The following TIMD4 variants were observed in gnomAD, a reference collection of about 807,000 sequenced individuals.
TIMD4 encodes the protein T-cell immunoglobulin and mucin domain-containing protein 4.
In TIMD4, 31 loss-of-function variants were observed where a neutral mutation model predicts 41.2. The observed-to-expected ratio is 0.75, with a 90% CI of 0.57 to 1.01. TIMD4 has a LOEUF of 1.01. Among genes scored for constraint, TIMD4 ranks in the 50% least tolerant of loss-of-function variants. TIMD4 has a pLI of 0.00. For missense variants in TIMD4, 479 were observed against 472.5 expected, an observed-to-expected ratio of 1.01 and a Z score of -0.13; for synonymous variants, 204 against 177.1, an observed-to-expected ratio of 1.15 and a Z score of -1.21.
intron 5 of TIMD4, among the ~76,000 whole-genome samples, chr5:156,934,343 C>G (rs974915896): frequency 6.6e-6 from 1 of 152,222 alleles, no homozygotes; most frequent in African/African-American, 2.4e-5. Flanking sequence ...CTCCCAGGCT[C>G]TGGCTCACGG....
intron 2 of TIMD4, 25 bp downstream of exon 2, chr5:156,954,390 G>C: frequency 6.3e-7 from 1 of 1,596,986 alleles, no homozygotes; most frequent in Non-Finnish European, 8.5e-7. Context: ...TCCTTCCGCA[G>C]GCATGAGGCC....
intron 5 of TIMD4, among the ~76,000 whole-genome samples, chr5:156,933,095 C>T (rs1759473456): frequency 6.6e-6 from 1 of 151,990 alleles, no homozygotes; most frequent in Non-Finnish European, 1.5e-5. Context: ...TATATAGCAG[C>T]TTTGTGGTAA....
At chr5:156,961,172 A>G (rs1190596004) in intron 1 of TIMD4, among the ~76,000 whole-genome samples, 3 of 152,260 alleles carry the variant, frequency 2.0e-5, no homozygotes, top group African/African-American at 7.2e-5. Flanking sequence ...AATCCAAACC[A>G]CAATGAGGTA....
At chr5:156,961,184 C>A (rs917586259) in intron 1 of TIMD4, among the ~76,000 whole-genome samples, 3 of 152,190 alleles carry the variant, frequency 2.0e-5, no homozygotes, top group African/African-American at 7.2e-5. Flanking sequence ...AATGAGGTAT[C>A]ACTTCATTTC....
At chr5:156,949,099 C>T (rs895876408) in intron 4 of TIMD4, among the ~76,000 whole-genome samples, 2 of 152,152 alleles carry the variant, frequency 1.3e-5, no homozygotes, top group African/African-American at 2.4e-5. Flanking sequence ...CTCTAGCACC[C>T]CAATCGTGAT....
At chr5:156,926,368 A>G in intron 5 of TIMD4, 56 bp from the exon 6 acceptor site, 1 of 1,568,620 alleles carries the variant, frequency 6.4e-7, no homozygotes, top group South Asian at 1.1e-5. Context: ...ATAAAATATC[A>G]CATCCTGAAA....
chr5:156,921,825 T>C (rs1290157224), intron 7 of TIMD4, among the ~76,000 whole-genome samples: 1 of 152,102 alleles, frequency 6.6e-6, no homozygotes, highest in East Asian at 1.9e-4. Context: ...GAGTATACCA[T>C]CAGGACTGGC....
chr5:156,939,028 G>A (rs1581619882), intron 5 of TIMD4, among the ~76,000 whole-genome samples: 1 of 152,150 alleles, frequency 6.6e-6, no homozygotes, highest in Admixed American at 6.5e-5. Flanking sequence ...AGCTCCCCCA[G>A]TGTACTGCTC....
chr5:156,940,147 G>A (rs1035942469), intron 5 of TIMD4, among the ~76,000 whole-genome samples: 2 of 152,252 alleles, frequency 1.3e-5, no homozygotes, highest in African/African-American at 2.4e-5. Context: ...TGGTGGAGAC[G>A]GGGTTTCGCC....
intron 5 of TIMD4, among the ~76,000 whole-genome samples, chr5:156,928,929 C>G (rs559401241): frequency 6.6e-6 from 1 of 152,166 alleles, no homozygotes; most frequent in African/African-American, 2.4e-5. Flanking sequence ...GAAAAGCCAG[C>G]CTGGGTCAGT....
intron 8 of TIMD4, 64 bp downstream of exon 8, chr5:156,920,400 G>A: frequency 6.5e-7 from 1 of 1,533,136 alleles, no homozygotes; most frequent in Non-Finnish European, 9.0e-7. Flanking sequence ...CCACTGAGTA[G>A]TAGCTAATCA....
chr5:156,962,260 C>T (rs535956891), intron 1 of TIMD4, among the ~76,000 whole-genome samples: 3 of 152,110 alleles, frequency 2.0e-5, no homozygotes, highest in Non-Finnish European at 4.4e-5. Context: ...TAGAAGAGAA[C>T]ATTTGAAATG....
chr5:156,941,076 C>A (rs944890789), intron 5 of TIMD4, among the ~76,000 whole-genome samples: 5 of 152,062 alleles, frequency 3.3e-5, no homozygotes, highest in East Asian at 1.9e-4. Context: ...GGATTAAGGG[C>A]GGTGCAAGAT....
intron 7 of TIMD4, among the ~76,000 whole-genome samples, chr5:156,920,996 G>A (rs1165679771): frequency 6.6e-6 from 1 of 152,068 alleles, no homozygotes; most frequent in Non-Finnish European, 1.5e-5. Context: ...CCCTGAAACA[G>A]CTTTTGTTAA....
chr5:156,934,333 C>T (rs1240951468), intron 5 of TIMD4, among the ~76,000 whole-genome samples: 2 of 152,226 alleles, frequency 1.3e-5, no homozygotes, highest in Admixed American at 6.5e-5. Flanking sequence ...CAGCCTCAAC[C>T]TCCCAGGCTC....
At chr5:156,920,612 G>T (rs1759219017) in intron 7 of TIMD4, 109 bp from the exon 8 acceptor site, 4 of 1,096,164 alleles carry the variant, frequency 3.6e-6, no homozygotes, top group Admixed American at 3.8e-5. Context: ...TGGGCCAAAG[G>T]TGAGAACCAG....
At position 156,936,801 on chromosome 5, in the gene TIMD4, G is replaced by A. The variant is rs536298779; in HGVS notation, c.845-10489C>T. On this transcript the variant is annotated intron_variant, in intron 5 of 8. Coordinates refer to ENST00000274532, the MANE Select transcript of TIMD4 (RefSeq NM_138379.3). Reference sequence around the variant, plus strand: ...AAAAAAATTAGCCAGGCATGATGGCGGGTGCCTGTAATCCCAGCTACTCAG... The same window carrying A: ...AAAAAAATTAGCCAGGCATGATGGCAGGTGCCTGTAATCCCAGCTACTCAG... Among the ~76,000 whole-genome samples the A allele has an allele frequency of 1.1e-4, 17 of 151,792 alleles. No individual in the cohort carries two copies. The South Asian group carries it at 1.7e-3, about 15-fold the overall frequency.
chr5:156,955,951 G>A (rs534436329), intron 1 of TIMD4, among the ~76,000 whole-genome samples: 2 of 152,162 alleles, frequency 1.3e-5, no homozygotes, highest in Non-Finnish European at 2.9e-5. Flanking sequence ...CATATCCATC[G>A]CCTTACCAAC....
chr5:156,934,733 C>T (rs542442376), intron 5 of TIMD4, among the ~76,000 whole-genome samples: 15 of 152,144 alleles, frequency 9.9e-5, no homozygotes, highest in African/African-American at 2.7e-4. Flanking sequence ...ATGTTCTTAA[C>T]GAATCTGACA....
Sources: allele counts gnomAD v4.1 joint callset (sites outside exome capture counted in the v4.1 genomes callset), GRCh38; gene constraint gnomAD v4.1.1; transcripts MANE v1.5; gene names NCBI Gene and HGNC (gene_info 2026-07-23, HGNC 2026-07-21).